Variants in GLI3 observed in about 807,000 individuals in gnomAD.
The protein encoded by GLI3 is transcription activator GLI3.
GLI3 carries 20 observed loss-of-function variants against 100.8 expected under a neutral mutation model. That is an observed-to-expected ratio of 0.20 (90% CI 0.14 to 0.29). The LOEUF is 0.29. GLI3 is among the 10% of genes least tolerant of loss of function. The probability of loss-of-function intolerance (pLI) is 1.00; values close to 1 mark genes in which losing one functional copy is unlikely to be tolerated. For synonymous variants in GLI3, 938 were observed against 860.5 expected (o/e 1.09, Z -1.58); for missense variants, 2,040 against 2,128.5 (o/e 0.96, Z 0.82).
rs1231824406 is a variant in GLI3 at position 41,968,713 on chromosome 7, GAAGAAAGA to G, written c.2104-798_2104-791del. Among the ~76,000 whole-genome samples the G allele has an allele frequency of 1.2e-3, 110 of 93,920 alleles. 1 individual carries two copies. Among genetic ancestry groups the G allele is most frequent in the African/African-American group, 2.7e-3 (61 of 22,980 alleles). The allele number at this position is 93,920 out of a possible 152,430, so 61.6% of individuals were successfully genotyped here. On this transcript the variant is annotated intron_variant, in intron 13 of 14. Transcript: ENST00000395925. ...AGAAAGAAAGAAAGAAAGAAAGAAA[GAAGAAAGA>G]AAGAAAGAAAGAAAGAAAGAAAGAA... is the stretch of plus-strand genomic sequence containing the variant.
At chr7:42,011,921 T>A (rs555912892) in intron 10 of GLI3, among the ~76,000 whole-genome samples, 2 of 152,282 alleles carry the variant, frequency 1.3e-5, no homozygotes, top group Non-Finnish European at 2.9e-5. Flanking sequence ...GTAACTGCTA[T>A]GTGATATGTA....
intron 1 of GLI3, among the ~76,000 whole-genome samples, chr7:42,229,561 G>C (rs1788654100): frequency 6.6e-6 from 1 of 152,186 alleles, no homozygotes; most frequent in Non-Finnish European, 1.5e-5. Flanking sequence ...CCAGAAGAAA[G>C]CAGCTTGTCA....
Position 41,964,927 on chromosome 7 carries a change from G to C in GLI3, c.4146C>G (p.Gly1382=), listed in dbSNP as rs1787118747. Residue 1382 remains glycine, a synonymous_variant, in exon 15 of 15, where the codon GGC becomes GGG. Coordinates refer to ENST00000395925, the MANE Select transcript of GLI3 (RefSeq NM_000168.6). ...SQPSSLAVVR[G]YQPCASFGGS... ...CCCCAAAGCTGGCACATGGCTGGTA[G>C]CCCCTGACAACTGCCAAGCTTGACG... 4 of 1,613,626 alleles carry C rather than the reference G, an allele frequency of 2.5e-6. No homozygotes were observed. Among genetic ancestry groups the C allele is most frequent in the Non-Finnish European group, 2.5e-6 (3 of 1,180,050 alleles).
intron 2 of GLI3, among the ~76,000 whole-genome samples, chr7:42,175,578 A>G (rs938422721): frequency 4.6e-5 from 7 of 152,056 alleles, no homozygotes; most frequent in Admixed American, 1.3e-4. Context: ...AGATTGTGCC[A>G]CTGCACTCCA....
At chr7:42,233,594 T>C (rs1419144665) in intron 1 of GLI3, among the ~76,000 whole-genome samples, 1 of 152,180 alleles carries the variant, frequency 6.6e-6, no homozygotes, top group African/African-American at 2.4e-5. Flanking sequence ...CATCAAAGTG[T>C]GAAATTTCAT....
intron 1 of GLI3, among the ~76,000 whole-genome samples, chr7:42,230,757 G>C (rs1282355033): frequency 3.3e-5 from 5 of 152,188 alleles, no homozygotes; most frequent in Admixed American, 6.5e-5. Context: ...ACGTGCCTTG[G>C]TTAGGCACTG....
At chr7:41,997,195 T>C (rs949192015) in intron 10 of GLI3, among the ~76,000 whole-genome samples, 17 of 151,962 alleles carry the variant, frequency 1.1e-4, no homozygotes, top group African/African-American at 4.1e-4. Context: ...TATGGTACCA[T>C]CTCCCAGGAA....
At chr7:42,119,638 G>A (rs1163296098) in intron 3 of GLI3, among the ~76,000 whole-genome samples, 1 of 152,144 alleles carries the variant, frequency 6.6e-6, no homozygotes, top group African/African-American at 2.4e-5. Flanking sequence ...AATATTCCCA[G>A]ATTTCCTATA....
At chr7:42,238,326 CTT>C (rs547558548), upstream of GLI3, among the ~76,000 whole-genome samples, 3 of 152,238 alleles carry the variant, frequency 2.0e-5, no homozygotes, top group African/African-American at 7.2e-5. Flanking sequence ...CCCCTTTATT[CTT>C]TTAAGGCTTC....
intron 2 of GLI3, among the ~76,000 whole-genome samples, chr7:42,182,660 A>ATATATATATATACGTG (rs1554337052): frequency 1.7e-5 from 1 of 59,138 alleles, no homozygotes; most frequent in Admixed American, 1.5e-4. Context: ...ATATATATAT[A>ATATATATATATACGTG]TATATATATA....
intron 7 of GLI3, among the ~76,000 whole-genome samples, chr7:42,033,160 G>C (rs1029643484): frequency 6.6e-6 from 1 of 152,200 alleles, no homozygotes; most frequent in African/African-American, 2.4e-5. Context: ...GGCGTGAGTG[G>C]TAATCACACT....
intron 10 of GLI3, among the ~76,000 whole-genome samples, chr7:42,022,179 G>A (rs796609955): frequency 1.1e-4 from 16 of 152,260 alleles, no homozygotes; most frequent in Middle Eastern, 3.4e-3. Flanking sequence ...AAATGGAGGG[G>A]AGGGACCCTG....
intron 2 of GLI3, among the ~76,000 whole-genome samples, chr7:42,205,957 T>G (rs1210200597): frequency 2.0e-5 from 3 of 152,092 alleles, no homozygotes; most frequent in Non-Finnish European, 4.4e-5. Context: ...TAAGTTAGCT[T>G]AATATAACAC....
chr7:42,238,426 A>G (rs1788879027), upstream of GLI3, among the ~76,000 whole-genome samples: 1 of 152,052 alleles, frequency 6.6e-6, no homozygotes, highest in South Asian at 2.1e-4. Flanking sequence ...CTCTCGCGGG[A>G]TGATGCCTTT....
intron 4 of GLI3, among the ~76,000 whole-genome samples, chr7:42,065,179 T>C (rs1182963468): frequency 2.0e-5 from 3 of 148,710 alleles, no homozygotes; most frequent in African/African-American, 4.9e-5. Context: ...ATAAAAATTA[T>C]ATTTTATTTA....
chr7:41,997,648 C>T (rs151105644), intron 10 of GLI3, among the ~76,000 whole-genome samples: 1 of 152,300 alleles, frequency 6.6e-6, no homozygotes, highest in East Asian at 1.9e-4. Flanking sequence ...TCAAATGATA[C>T]CTTCTGCTTT....
At position 42,244,388 on chromosome 7, in the gene GLI3, T is replaced by C. The variant is rs544877845; in HGVS notation, c.-43+19606A>G. Among the ~76,000 whole-genome samples the C allele has an allele frequency of 2.2e-4, 34 of 152,360 alleles. 1 individual carries two copies. The South Asian group carries it at 7.0e-3, about 32-fold the overall frequency. On this transcript the variant is annotated intron_variant, in intron 1 of 2. Coordinates refer to the GLI3 transcript ENST00000678978. ...GAACATAAGGATACAAGTTTACATG[T>C]AGTGCCTTCCTATAGAGCACATTTC...
At chr7:42,015,122 G>T (rs1788721917) in intron 10 of GLI3, among the ~76,000 whole-genome samples, 1 of 152,128 alleles carries the variant, frequency 6.6e-6, no homozygotes, top group African/African-American at 2.4e-5. Flanking sequence ...ACCTAGAATG[G>T]ATATTATTAT....
chr7:42,131,163 T>G (rs1786265262), intron 3 of GLI3, among the ~76,000 whole-genome samples: 1 of 152,110 alleles, frequency 6.6e-6, no homozygotes, highest in South Asian at 2.1e-4. Context: ...AAAGTTGAAG[T>G]CGTAAGACCT....
Sources: gnomAD v4.1 joint callset for allele counts (sites outside exome capture counted in the v4.1 genomes callset) on GRCh38, gnomAD v4.1.1 for gene constraint, MANE v1.5 for transcripts, NCBI Gene and HGNC (gene_info 2026-07-23, HGNC 2026-07-21) for gene names.